Variants in DSCAM observed in about 807,000 individuals in gnomAD.
DSCAM encodes the protein cell adhesion molecule DSCAM.
Under a neutral mutation model 217.7 loss-of-function variants are expected in DSCAM, and 47 were observed. The ratio of observed to expected loss-of-function variants is 0.22; its 90% CI spans 0.17 to 0.28. The LOEUF (loss-of-function observed/expected upper bound fraction) is 0.28. DSCAM is among the 10% of genes least tolerant of loss of function. DSCAM has a pLI of 1.00. For missense variants in DSCAM, 2,080 were observed against 2,618.3 expected, an observed-to-expected ratio of 0.79 and a Z score of 4.49; for synonymous variants, 1,056 against 1,015.3, an observed-to-expected ratio of 1.04 and a Z score of -0.76.
At chr21:40,813,910 G>C (rs1231426172) in intron 1 of DSCAM, among the ~76,000 whole-genome samples, 1 of 152,108 alleles carries the variant, frequency 6.6e-6, no homozygotes, top group Non-Finnish European at 1.5e-5. Context: ...CTCTCAAAGT[G>C]CTGGGATTAC....
At chr21:40,535,473 T>G (rs1407428290) in intron 3 of DSCAM, among the ~76,000 whole-genome samples, 2 of 152,232 alleles carry the variant, frequency 1.3e-5, no homozygotes, top group African/African-American at 4.8e-5. Flanking sequence ...CCAATCAGGA[T>G]GTAAGAGTCA....
At chr21:40,207,126 A>T (rs2091134799) in intron 11 of DSCAM, among the ~76,000 whole-genome samples, 1 of 152,250 alleles carries the variant, frequency 6.6e-6, no homozygotes, top group Admixed American at 6.5e-5. Flanking sequence ...ACCGAAAAAA[A>T]ATTGTAACTA....
rs1164820255 is a variant in DSCAM, at chr21:40,453,087, TGTGTGA to T, written c.509-83848_509-83843del. Among the ~76,000 whole-genome samples, 231 of 118,368 alleles carry T rather than the reference TGTGTGA, an allele frequency of 2.0e-3. 1 individual carries two copies. Among genetic ancestry groups the T allele is most frequent in the South Asian group, 8.2e-3 (32 of 3,918 alleles). The allele number at this position is 118,368 out of a possible 152,430, so 77.7% of individuals were successfully genotyped here. On this transcript the variant is annotated intron_variant, in intron 3 of 32. Transcript: ENST00000400454. ...GTGTGTGTGTGTGTGTGTGTGTGTG[TGTGTGA>T]GATATATGTGTATATCTACACATAC...
intron 10 of DSCAM, among the ~76,000 whole-genome samples, chr21:40,280,581 G>A (rs2073747372): frequency 6.6e-6 from 1 of 152,154 alleles, no homozygotes; most frequent in African/African-American, 2.4e-5. Flanking sequence ...TACTTATTGG[G>A]ATTTAAAGCA....
chr21:40,306,077 T>C (rs2123475138), intron 9 of DSCAM, among the ~76,000 whole-genome samples: 1 of 152,054 alleles, frequency 6.6e-6, no homozygotes, highest in African/African-American at 2.4e-5. Flanking sequence ...CCCATGAGCA[T>C]GGAATGTTCT....
chr21:40,841,266 T>C (rs2092098688), intron 1 of DSCAM, among the ~76,000 whole-genome samples: 1 of 152,112 alleles, frequency 6.6e-6, no homozygotes, highest in Admixed American at 6.5e-5. Flanking sequence ...TGACAGACCT[T>C]GCGTCACCTG....
At chr21:40,482,365 C>T (rs1384896330) in intron 3 of DSCAM, among the ~76,000 whole-genome samples, 5 of 152,160 alleles carry the variant, frequency 3.3e-5, no homozygotes, top group African/African-American at 4.8e-5. Flanking sequence ...GTGCCTAGCA[C>T]CCAAAATAAT....
intron 4 of DSCAM, among the ~76,000 whole-genome samples, chr21:40,361,276 T>G (rs2074761524): frequency 6.6e-6 from 1 of 152,178 alleles, no homozygotes; most frequent in Non-Finnish European, 1.5e-5. Context: ...TCGTCATGTT[T>G]ATTTCTTGAT....
intron 2 of DSCAM, among the ~76,000 whole-genome samples, chr21:40,703,083 C>T (rs2090675069): frequency 1.3e-5 from 2 of 152,056 alleles, no homozygotes; most frequent in African/African-American, 4.8e-5. Context: ...CATTGCAGTT[C>T]TTTCCTTTGA....
At chr21:40,660,291 A>G (rs909743647) in intron 3 of DSCAM, among the ~76,000 whole-genome samples, 2 of 152,178 alleles carry the variant, frequency 1.3e-5, no homozygotes, top group African/African-American at 4.8e-5. Flanking sequence ...GAAAGGAAGG[A>G]AGGAAAGCAG....
At chr21:40,251,368 C>T (rs1819641372) in intron 11 of DSCAM, among the ~76,000 whole-genome samples, 2 of 152,116 alleles carry the variant, frequency 1.3e-5, no homozygotes, top group African/African-American at 2.4e-5. Flanking sequence ...AAAAAATAGG[C>T]CACAAGGAGA....
rs1048685895 is a variant in DSCAM, at chr21:40,386,127, G to A, written c.509-16882C>T. ...TGCACTGCAATTTAATGGCCTTGCA[G>A]ATCTTAACACTGTGCTTTTATTTCA... is the stretch of plus-strand genomic sequence containing the variant. On this transcript the variant is annotated intron_variant, in intron 3 of 32. Transcript: ENST00000400454. Among the ~76,000 whole-genome samples the A allele has an allele frequency of 3.4e-5, 5 of 148,382 alleles. No individual in the cohort carries two copies. In the East Asian group the frequency reaches 9.7e-4, roughly 29 times the overall value.
intron 11 of DSCAM, among the ~76,000 whole-genome samples, chr21:40,247,677 T>C (rs1026404379): frequency 3.3e-5 from 5 of 152,310 alleles, no homozygotes; most frequent in African/African-American, 1.2e-4. Flanking sequence ...GGGCTGGTGT[T>C]GAATGTCTGT....
At chr21:40,780,897 T>A (rs2091537752) in intron 1 of DSCAM, among the ~76,000 whole-genome samples, 1 of 152,230 alleles carries the variant, frequency 6.6e-6, no homozygotes, top group Non-Finnish European at 1.5e-5. Flanking sequence ...GTACACTAAA[T>A]ATGGTATAAT....
intron 28 of DSCAM, among the ~76,000 whole-genome samples, chr21:40,058,040 T>A (rs1191892374): frequency 6.6e-6 from 1 of 151,884 alleles, no homozygotes; most frequent in Non-Finnish European, 1.5e-5. Flanking sequence ...CATGTCTGGC[T>A]TTTTTGTATT....
At chr21:40,626,892 G>A (rs550842301) in intron 3 of DSCAM, among the ~76,000 whole-genome samples, 10 of 152,316 alleles carry the variant, frequency 6.6e-5, no homozygotes, top group African/African-American at 1.4e-4. Context: ...AGTACAAAGC[G>A]AATGCTATAA....
intron 8 of DSCAM, among the ~76,000 whole-genome samples, chr21:40,318,082 A>C (rs929147468): frequency 6.6e-6 from 1 of 151,132 alleles, no homozygotes; most frequent in Non-Finnish European, 1.5e-5. Flanking sequence ...CATTGTCGCA[A>C]GGACAAAAAA....
chr21:40,719,393 T>C (rs2090877599), intron 1 of DSCAM, among the ~76,000 whole-genome samples: 1 of 152,132 alleles, frequency 6.6e-6, no homozygotes, highest in African/African-American at 2.4e-5. Flanking sequence ...GGAAAATTAT[T>C]AGCCTCTACT....
At position 40,144,432 on chromosome 21, in the gene DSCAM, C is replaced by T. The variant is rs936083095; in HGVS notation, c.3259+59G>A. On this transcript the variant is annotated intron_variant, in intron 17 of 32. Transcript: ENST00000400454. This position sits in a 1 kb window ranked among gnomAD's most constrained non-coding sequence, Gnocchi z 4.8. ...GTGCGAGGTTGGGGGAGCCCCGGGG[C>T]AGACCCGAGGGAACCTTTGCGGAGG... 8.8e-6 allele frequency: 14 copies of T among 1,598,734 alleles called. No individual in the cohort carries two copies. The Admixed American group carries it at 2.4e-4, about 27-fold the overall frequency.
Sources: allele counts gnomAD v4.1 joint callset (sites outside exome capture counted in the v4.1 genomes callset), GRCh38; gene constraint gnomAD v4.1.1; non-coding constraint Gnocchi (gnomAD v3.1); transcripts MANE v1.5; gene names NCBI Gene and HGNC (gene_info 2026-07-23, HGNC 2026-07-21).